HOMER1: variants seen among roughly 807,000 people sequenced by gnomAD.
HOMER1 encodes the protein homer scaffold protein 1, also known as homer protein homolog 1.
A neutral mutation model predicts 48.9 loss-of-function variants in HOMER1; 3 were observed. That is an observed-to-expected ratio of 0.06 (90% CI 0.03 to 0.16). The LOEUF is 0.16. Ranked by LOEUF, HOMER1 falls within the 10% of genes least tolerant of loss-of-function variation. HOMER1 has a pLI of 1.00. For synonymous variants in HOMER1, 134 were observed against 146.4 expected (o/e 0.92, Z 0.61); for missense variants, 247 against 411.4 (o/e 0.60, Z 3.46).
chr5:79,387,940 T>A (rs935938481), intron 8 of HOMER1, among the ~76,000 whole-genome samples: 33 of 152,086 alleles, frequency 2.2e-4, no homozygotes, highest in Admixed American at 6.5e-4. Context: ...TTAGAAAATA[T>A]AAGCACCAAT....
At chr5:79,422,112 A>G (rs1377941208) in intron 5 of HOMER1, among the ~76,000 whole-genome samples, 1 of 151,918 alleles carries the variant, frequency 6.6e-6, no homozygotes, top group East Asian at 2.0e-4. Context: ...CTTTAATCCC[A>G]GTTACTCAGG....
At chr5:79,397,406 T>C in intron 7 of HOMER1, 121 bp downstream of exon 7, 3 of 674,696 alleles carry the variant, frequency 4.4e-6, no homozygotes, top group South Asian at 1.8e-5. Context: ...AAAAATTTCA[T>C]CCTAAAAAAG....
intron 5 of HOMER1, among the ~76,000 whole-genome samples, chr5:79,411,426 A>G (rs1315632280): frequency 6.6e-6 from 1 of 152,182 alleles, no homozygotes; most frequent in Non-Finnish European, 1.5e-5. Context: ...TCATGGCTGC[A>G]GTGAGTCAAG....
chr5:79,470,170 G>C (rs1429538089), intron 1 of HOMER1, among the ~76,000 whole-genome samples: 1 of 152,066 alleles, frequency 6.6e-6, no homozygotes, highest in African/African-American at 2.4e-5. Flanking sequence ...AGATAAACGG[G>C]CATCTTAACA....
chr5:79,506,207 C>A (rs1268726188), intron 1 of HOMER1, among the ~76,000 whole-genome samples: 1 of 151,836 alleles, frequency 6.6e-6, no homozygotes. Flanking sequence ...CTCCGCCTCA[C>A]AGGTTCAAGC....
At chr5:79,412,227 C>T (rs186370238) in intron 5 of HOMER1, among the ~76,000 whole-genome samples, 10 of 152,260 alleles carry the variant, frequency 6.6e-5, no homozygotes, top group Non-Finnish European at 1.5e-5. Context: ...ACTATGAAAG[C>T]ACTCCACAGC....
intron 1 of HOMER1, among the ~76,000 whole-genome samples, chr5:79,486,574 G>A (rs1752108567): frequency 6.6e-6 from 1 of 152,042 alleles, no homozygotes; most frequent in Non-Finnish European, 1.5e-5. Context: ...CAATCCTATT[G>A]GTAAATACTA....
intron 2 of HOMER1, among the ~76,000 whole-genome samples, chr5:79,454,400 G>A (rs1406714828): frequency 6.6e-6 from 1 of 151,440 alleles, no homozygotes; most frequent in African/African-American, 2.4e-5. Flanking sequence ...GTTATCTGTC[G>A]TTTGGGCCCA....
intron 2 of HOMER1, among the ~76,000 whole-genome samples, chr5:79,453,377 C>A (rs1026156229): frequency 6.6e-6 from 1 of 152,120 alleles, no homozygotes; most frequent in Non-Finnish European, 1.5e-5. Flanking sequence ...GGTCACTAAG[C>A]CCCCTCATTT....
At chr5:79,460,890 T>C (rs1751301569) in intron 1 of HOMER1, among the ~76,000 whole-genome samples, 1 of 152,172 alleles carries the variant, frequency 6.6e-6, no homozygotes, top group South Asian at 2.1e-4. Context: ...GGGTTTCTAC[T>C]TTGGGTAACT....
At chr5:79,421,138 G>T (rs568749379) in intron 5 of HOMER1, among the ~76,000 whole-genome samples, 1 of 152,248 alleles carries the variant, frequency 6.6e-6, no homozygotes, top group East Asian at 1.9e-4. Flanking sequence ...ATAAAATTTA[G>T]AAACTATTTT....
chr5:79,457,725 C>T (rs766290169), intron 1 of HOMER1, among the ~76,000 whole-genome samples: 1 of 152,108 alleles, frequency 6.6e-6, no homozygotes, highest in Non-Finnish European at 1.5e-5. Context: ...ATGAAAATGT[C>T]GTGAGCAGAG....
At chr5:79,451,555 A>ATTT (rs1354759989) in intron 2 of HOMER1, among the ~76,000 whole-genome samples, 1 of 100,276 alleles carries the variant, frequency 1.0e-5, no homozygotes, top group African/African-American at 4.5e-5. Context: ...AAAATATGAC[A>ATTT]CTTTTTTTTT....
In HOMER1 at chr5:79,447,063, G is replaced by T; in HGVS notation, c.377C>A (p.Thr126Lys). ...AAATGATATACCCACCTGTGAAGGTGTACTGGTAAGTTCCATCTTCTCTTG... is the reference window on the plus strand; with the variant it reads ...AAATGATATACCCACCTGTGAAGGTTTACTGGTAAGTTCCATCTTCTCTTG... ...KSQEKMELTS[T>K]PSQESAGGDL... is the part of the protein sequence containing the mutation. The change falls in exon 4 of 9, where the codon ACA becomes AAA. Residue 126 changes from threonine (T) to lysine (K), a missense_variant. Transcript: ENST00000334082. 6.3e-7 allele frequency: 1 copy of T among 1,588,950 alleles called. No individual in the cohort carries two copies. The highest frequency in any genetic ancestry group is 8.6e-7 in the Non-Finnish European group (1 of 1,157,132).
chr5:79,455,260 T>G (rs1283808721), intron 2 of HOMER1, among the ~76,000 whole-genome samples: 1 of 152,148 alleles, frequency 6.6e-6, no homozygotes, highest in African/African-American at 2.4e-5. Context: ...CTAAATACTT[T>G]GCTCAAGATC....
intron 1 of HOMER1, among the ~76,000 whole-genome samples, chr5:79,465,724 C>G (rs959798229): frequency 2.0e-5 from 3 of 150,970 alleles, no homozygotes; most frequent in African/African-American, 7.3e-5. Context: ...TCCCGAGTAG[C>G]TGGGACTACA....
chr5:79,460,867 A>G (rs561618195), intron 1 of HOMER1, among the ~76,000 whole-genome samples: 2 of 152,230 alleles, frequency 1.3e-5, no homozygotes, highest in Non-Finnish European at 2.9e-5. Flanking sequence ...CAAAGAAGGA[A>G]TCTGAGTCTC....
intron 8 of HOMER1, among the ~76,000 whole-genome samples, chr5:79,384,082 C>A (rs1291607442): frequency 2.8e-5 from 4 of 143,044 alleles, no homozygotes; most frequent in Non-Finnish European, 6.0e-5. Context: ...AGCAATCTAA[C>A]AATGTGCCTC....
chr5:79,485,817 C>G (rs994302492), intron 1 of HOMER1, among the ~76,000 whole-genome samples: 29 of 152,250 alleles, frequency 1.9e-4, no homozygotes, highest in African/African-American at 7.0e-4. Flanking sequence ...AAGTACATTC[C>G]CCAAAGATGG....
Sources: allele counts gnomAD v4.1 joint callset (sites outside exome capture counted in the v4.1 genomes callset), GRCh38; gene constraint gnomAD v4.1.1; transcripts MANE v1.5; gene names NCBI Gene and HGNC (gene_info 2026-07-23, HGNC 2026-07-21).